The following GPC6 variants were observed in gnomAD, a reference collection of about 807,000 sequenced individuals.
GPC6 encodes the protein glypican 6.
Under a neutral mutation model 55.2 loss-of-function variants are expected in GPC6, and 14 were observed. That is an observed-to-expected ratio of 0.25 (90% CI 0.17 to 0.40). The LOEUF (loss-of-function observed/expected upper bound fraction) is 0.40, where lower values mean the gene tolerates loss of function less well. GPC6 is among the 10% of genes least tolerant of loss of function. The probability of loss-of-function intolerance (pLI) is 1.00; values close to 1 mark genes in which losing one functional copy is unlikely to be tolerated. For missense variants in GPC6, 641 were observed against 708.5 expected (o/e 0.90, Z 1.08); for synonymous variants, 278 against 259.6 (o/e 1.07, Z -0.68).
chr13:93,872,887 A>G (rs1191591215), intron 3 of GPC6, among the ~76,000 whole-genome samples: 1 of 151,996 alleles, frequency 6.6e-6, no homozygotes, highest in Non-Finnish European at 1.5e-5. Context: ...CAGAAAAATT[A>G]TGCCATCGAA....
intron 2 of GPC6, among the ~76,000 whole-genome samples, chr13:93,769,433 CAAA>C (rs11423382): frequency 3.0e-5 from 4 of 133,666 alleles, no homozygotes; most frequent in Admixed American, 7.5e-5. Context: ...CTGCACGTGA[CAAA>C]AAAAAAAAAA....
intron 1 of GPC6, among the ~76,000 whole-genome samples, chr13:93,516,804 T>C (rs1881215603): frequency 1.3e-5 from 2 of 151,134 alleles, no homozygotes; most frequent in Admixed American, 1.3e-4. Flanking sequence ...TGGGCTCCTC[T>C]GAATTTTTAA....
chr13:94,120,356 T>G (rs1886582995), intron 4 of GPC6, among the ~76,000 whole-genome samples: 1 of 152,072 alleles, frequency 6.6e-6, no homozygotes, highest in Non-Finnish European at 1.5e-5. Flanking sequence ...CACCTGCCCA[T>G]GGTTTCCCTC....
chr13:93,949,988 A>G (rs1188127309), intron 3 of GPC6, among the ~76,000 whole-genome samples: 1 of 152,132 alleles, frequency 6.6e-6, no homozygotes. Context: ...TTGGCCTCCC[A>G]AAGTGGACTA....
chr13:93,933,747 A>G (rs988510319), intron 3 of GPC6, among the ~76,000 whole-genome samples: 6 of 152,192 alleles, frequency 3.9e-5, no homozygotes, highest in Non-Finnish European at 7.4e-5. Flanking sequence ...GCCTTTCAAA[A>G]TATAAACTTT....
intron 6 of GPC6, among the ~76,000 whole-genome samples, chr13:94,381,313 T>G (rs893544805): frequency 6.6e-6 from 1 of 152,100 alleles, no homozygotes; most frequent in African/African-American, 2.4e-5. Context: ...TATCCCACAG[T>G]TCTGGGGCTG....
intron 4 of GPC6, among the ~76,000 whole-genome samples, chr13:94,252,462 C>T (rs1162789718): frequency 4.6e-5 from 7 of 151,898 alleles, no homozygotes; most frequent in Admixed American, 1.3e-4. Context: ...TTATTATGTG[C>T]CCCCATGCTG....
chr13:94,257,882 G>C (rs1054748455), intron 4 of GPC6, among the ~76,000 whole-genome samples: 2 of 152,174 alleles, frequency 1.3e-5, no homozygotes, highest in African/African-American at 4.8e-5. Context: ...AGTGGGTAGA[G>C]TGACTTGAAC....
At chr13:93,896,750 G>GC (rs1305465269) in intron 3 of GPC6, among the ~76,000 whole-genome samples, 5 of 151,836 alleles carry the variant, frequency 3.3e-5, no homozygotes, top group Non-Finnish European at 7.4e-5. Flanking sequence ...TCTTACTCTC[G>GC]CATCAGGTTC....
chr13:93,985,017 G>A (rs528212509), intron 3 of GPC6, among the ~76,000 whole-genome samples: 15 of 152,280 alleles, frequency 9.9e-5, no homozygotes, highest in African/African-American at 3.4e-4. Context: ...GGCTGATGTG[G>A]TAGCTCTGTA....
chr13:93,231,367 A>G (rs1166174634), intron 1 of GPC6, among the ~76,000 whole-genome samples: 181 of 17,726 alleles, frequency 0.01, 4 homozygotes, highest in African/African-American at 0.049. Flanking sequence ...ATACGTATAT[A>G]TATATATATA....
At chr13:94,402,953 TG>T in intron 8 of GPC6, 61 bp from the exon 9 acceptor site, 1 of 1,158,218 alleles carries the variant, frequency 8.6e-7, no homozygotes, top group Non-Finnish European at 1.3e-6. Flanking sequence ...GAGATTTGGG[TG>T]GGGCCACAAA....
intron 1 of GPC6, among the ~76,000 whole-genome samples, chr13:93,303,085 T>C (rs1878736652): frequency 6.6e-6 from 1 of 152,220 alleles, no homozygotes; most frequent in Non-Finnish European, 1.5e-5. Flanking sequence ...AACCATAGAC[T>C]GTTAAATAAG....
intron 5 of GPC6, among the ~76,000 whole-genome samples, chr13:94,287,563 G>A (rs1892564821): frequency 6.6e-6 from 1 of 152,088 alleles, no homozygotes; most frequent in South Asian, 2.1e-4. Flanking sequence ...AATCTGGCCT[G>A]GGTCCCTTTT....
intron 4 of GPC6, among the ~76,000 whole-genome samples, chr13:94,189,444 AC>A (rs1889311386): frequency 6.6e-6 from 1 of 152,170 alleles, no homozygotes; most frequent in South Asian, 2.1e-4. Flanking sequence ...TGTTCCCTTT[AC>A]TGCTACCACT....
At chr13:93,537,104 A>G (rs933401740) in intron 1 of GPC6, among the ~76,000 whole-genome samples, 2 of 152,164 alleles carry the variant, frequency 1.3e-5, no homozygotes, top group Admixed American at 1.3e-4. Context: ...AGACACCTCC[A>G]TCACCCGCGC....
intron 3 of GPC6, among the ~76,000 whole-genome samples, chr13:93,956,926 C>T (rs534797829): frequency 2.2e-4 from 34 of 152,228 alleles, no homozygotes; most frequent in African/African-American, 7.5e-4. Context: ...TAAAAACAGC[C>T]GCGAACAGGA....
chr13:93,724,609 T>A (rs1883564162), intron 2 of GPC6, among the ~76,000 whole-genome samples: 1 of 152,000 alleles, frequency 6.6e-6, no homozygotes, highest in South Asian at 2.1e-4. Context: ...TCAATTTAGG[T>A]GATCGTTTTT....
At chr13:94,058,051 C>G (rs1051722918) in intron 4 of GPC6, among the ~76,000 whole-genome samples, 7 of 152,172 alleles carry the variant, frequency 4.6e-5, no homozygotes. Flanking sequence ...TAGTAAGAGT[C>G]CCACTAATTC....
Sources: allele counts gnomAD v4.1 joint callset (sites outside exome capture counted in the v4.1 genomes callset), GRCh38; gene constraint gnomAD v4.1.1; transcripts MANE v1.5; gene names NCBI Gene and HGNC (gene_info 2026-07-23, HGNC 2026-07-21).